The following ATAD3C variants were observed in gnomAD, a reference collection of about 807,000 sequenced individuals.
The protein encoded by ATAD3C is ATPase family AAA domain-containing protein 3C.
ATAD3C carries 38 observed loss-of-function variants against 46.3 expected under a neutral mutation model. The ratio of observed to expected loss-of-function variants is 0.82; its 90% CI spans 0.63 to 1.08. The LOEUF is 1.08. Among genes scored for constraint, ATAD3C ranks in the 50% least tolerant of loss-of-function variants. The probability of loss-of-function intolerance (pLI) is 0.00; values close to 1 mark genes in which losing one functional copy is unlikely to be tolerated. For synonymous variants in ATAD3C, 220 were observed against 236.4 expected, an observed-to-expected ratio of 0.93 and a Z score of 0.63; for missense variants, 563 against 572.7, an observed-to-expected ratio of 0.98 and a Z score of 0.17.
Position 1,462,660 on chromosome 1 carries a change from A to G in ATAD3C, c.1041A>G (p.Thr347=), listed in dbSNP as rs141015579. Residue 347 remains threonine, a synonymous_variant, in exon 11 of 12, where the codon ACA becomes ACG. Transcript: ENST00000378785. The surrounding 1 kb of genome is among the most constrained non-coding windows in gnomAD (Gnocchi z 4.5). ...AGTGCTTAGAGATCGCTCGGCTGAC[A>G]GAGGGCATGTCATGCCGGAAGATCG... The part of the protein sequence containing the change: ...GRKCLEIARL[T]EGMSCRKIAQ... 2.9e-4 allele frequency: 469 copies of G among 1,607,414 alleles called. 8 individuals are homozygous for G. In the East Asian group the frequency reaches 0.01, roughly 36 times the overall value.
chr1:1,451,451 A>G lies in ATAD3C; in HGVS notation c.76-595A>G, dbSNP rs113357404. Among the ~76,000 whole-genome samples the G allele has an allele frequency of 5.1e-3, 774 of 151,582 alleles. 13 individuals carry two copies. The highest frequency in any genetic ancestry group is 0.018 in the African/African-American group (740 of 41,330). ...AACCTCTGCCTCCTGGGTTCAAGCC[A>G]TTCTCCTGCCTCAGCCTCCCAAGTC... On this transcript the variant is annotated intron_variant, in intron 1 of 11. Transcript: ENST00000378785.
intron 8 of ATAD3C, among the ~76,000 whole-genome samples, chr1:1,457,621 A>AAC (rs1557778686): frequency 2.7e-5 from 4 of 150,690 alleles, no homozygotes; most frequent in African/African-American, 7.4e-5. Context: ...AAAACAAAAA[A>AAC]AACAGCATTT....
chr1:1,457,263 C>T, intron 8 of ATAD3C, 83 bp downstream of exon 8: 2 of 1,592,802 alleles, frequency 1.3e-6, no homozygotes, highest in Non-Finnish European at 1.7e-6. Flanking sequence ...CCGCAGCCCA[C>T]TGCTCAATTT....
At chr1:1,464,790 G>A (rs111938039) in intron 11 of ATAD3C, among the ~76,000 whole-genome samples, 6,685 of 151,888 alleles carry the variant, frequency 0.044, 252 homozygotes, top group East Asian at 0.15. Flanking sequence ...TTTTAGGAAT[G>A]GTTTTCCTAT....
chr1:1,464,394 C>T (rs1308808762), intron 11 of ATAD3C, among the ~76,000 whole-genome samples: 2 of 151,764 alleles, frequency 1.3e-5, no homozygotes, highest in Non-Finnish European at 2.9e-5. Flanking sequence ...TCTGGTGTCC[C>T]TTATAAGGAC....
chr1:1,452,490 C>G (rs557919320), intron 3 of ATAD3C, 56 bp downstream of exon 3: 1 of 1,610,700 alleles, frequency 6.2e-7, no homozygotes, highest in Non-Finnish European at 8.5e-7. Flanking sequence ...CATGTGGGGG[C>G]CTCCTGGAGC....
At chr1:1,452,813 AAAG>A (rs2100473113) in intron 3 of ATAD3C, among the ~76,000 whole-genome samples, 1 of 123,948 alleles carries the variant, frequency 8.1e-6, no homozygotes, top group African/African-American at 3.8e-5. Context: ...AAAAAAAAAG[AAAG>A]AAAGAAAGAA....
chr1:1,462,286 C>T lies in ATAD3C; in HGVS notation c.981-314C>T, dbSNP rs1007179098. ...TGACCTGGCTTCTGTGGCCTCCAGGCAGAAGCTTTTTTGCTAGAACTCAGG... is the reference window on the plus strand; with the variant it reads ...TGACCTGGCTTCTGTGGCCTCCAGGTAGAAGCTTTTTTGCTAGAACTCAGG... On this transcript the variant is annotated intron_variant, in intron 10 of 11. Transcript: ENST00000378785. The surrounding 1 kb of genome is among the most constrained non-coding windows in gnomAD (Gnocchi z 4.5). Among the ~76,000 whole-genome samples, 3 of 152,040 alleles carry T rather than the reference C, an allele frequency of 2.0e-5. No homozygotes were observed. Among genetic ancestry groups the T allele is most frequent in the Non-Finnish European group, 2.9e-5 (2 of 67,984 alleles).
rs1351002471 is a variant in ATAD3C at position 1,459,480 on chromosome 1, G to A, written c.812+249G>A. 6.6e-5 allele frequency among the ~76,000 whole-genome samples: 10 copies of A among 151,956 alleles called. 1 individual carries two copies. The East Asian group carries it at 7.7e-4, about 12-fold the overall frequency. On this transcript the variant is annotated intron_variant, in intron 9 of 11. Coordinates refer to ENST00000378785, the MANE Select transcript of ATAD3C (RefSeq NM_001039211.3). The surrounding 1 kb of genome is among the most constrained non-coding windows in gnomAD (Gnocchi z 4.9). The stretch of plus-strand genomic sequence containing the variant: ...TGTCCTCACGGCCCTGTGCACCGCC[G>A]CCCCAGCTTGCAGGTCCCTCTGCCC...
At chr1:1,463,632 G>A (rs1171242704) in intron 11 of ATAD3C, among the ~76,000 whole-genome samples, 1 of 152,002 alleles carries the variant, frequency 6.6e-6, no homozygotes, top group Non-Finnish European at 1.5e-5. Context: ...CAGAGGCCGG[G>A]CATGGTGGTG....
rs1442587228 is a variant in ATAD3C, at chr1:1,455,195, C to A, written c.379-265C>A. On this transcript the variant is annotated intron_variant, in intron 4 of 11. Coordinates refer to ENST00000378785, the MANE Select transcript of ATAD3C (RefSeq NM_001039211.3). ...TCACGCCACTGCACTCCAGCCTGGG[C>A]GACAGAGTGAGACTCCGTCTCAAAA... Among the ~76,000 whole-genome samples, 4 of 123,372 alleles carry A rather than the reference C, an allele frequency of 3.2e-5. No individual in the cohort carries two copies. In the Admixed American group the frequency reaches 4.3e-4, roughly 13 times the overall value. 80.9% of individuals were successfully genotyped at this position (123,372 alleles called of 152,430 possible).
chr1:1,459,325 A>G lies in ATAD3C; in HGVS notation c.812+94A>G. 6.3e-7 allele frequency: 1 copy of G among 1,582,566 alleles called. No homozygotes were observed. The highest frequency in any genetic ancestry group is 8.6e-7 in the Non-Finnish European group (1 of 1,167,152). ...AGGGACCTGAGGGGCCCTGGCTCAC[A>G]GTGCTGGGCAGCTGCCGTGGCCTCA... On this transcript the variant is annotated intron_variant, in intron 9 of 11. Coordinates refer to ENST00000378785, the MANE Select transcript of ATAD3C (RefSeq NM_001039211.3). This position sits in a 1 kb window ranked among gnomAD's most constrained non-coding sequence, Gnocchi z 4.9.
chr1:1,466,319 G>A (rs894777957), intron 11 of ATAD3C, among the ~76,000 whole-genome samples: 7 of 151,416 alleles, frequency 4.6e-5, no homozygotes, highest in Non-Finnish European at 8.8e-5. Flanking sequence ...AGGCTGAGGC[G>A]GGTGGGTCAT....
In ATAD3C at chr1:1,455,234, A is replaced by C. The variant is rs1472712628; in HGVS notation, c.379-226A>C. The stretch of plus-strand genomic sequence containing the variant: ...TCCGTCTCAAAAAAAAAAAAAAAAA[A>C]AAAAAAAAACCCAGAAAAAAGAGAA... On this transcript the variant is annotated intron_variant, in intron 4 of 11. Coordinates refer to ENST00000378785, the MANE Select transcript of ATAD3C (RefSeq NM_001039211.3). Among the ~76,000 whole-genome samples, 187 of 150,508 alleles carry C rather than the reference A, an allele frequency of 1.2e-3. 3 individuals are homozygous for C. The highest frequency in any genetic ancestry group is 3.4e-4 in the Non-Finnish European group (23 of 67,532).
In ATAD3C at chr1:1,457,076, T is replaced by C. The variant is rs1638974387; in HGVS notation, c.690-53T>C. 1.9e-6 allele frequency: 3 copies of C among 1,610,000 alleles called. No homozygotes were observed. The East Asian group carries it at 6.7e-5, about 36-fold the overall frequency. On this transcript the variant is annotated intron_variant, in intron 7 of 11. Coordinates refer to ENST00000378785, the MANE Select transcript of ATAD3C (RefSeq NM_001039211.3). ...CTCCTGCCATGGCCGGACGCCGCTG[T>C]GGGCTGCTCCTGGCATCACTCTCAC...
intron 8 of ATAD3C, among the ~76,000 whole-genome samples, 181 bp downstream of exon 8, chr1:1,457,361 G>A (rs1167059192): frequency 3.3e-5 from 5 of 151,746 alleles, no homozygotes; most frequent in Admixed American, 1.3e-4. Flanking sequence ...TTGGGAGGCC[G>A]AGGCAAGTGG....
intron 8 of ATAD3C, among the ~76,000 whole-genome samples, chr1:1,457,544 C>G (rs1392807853): frequency 7.5e-6 from 1 of 132,814 alleles, no homozygotes; most frequent in African/African-American, 3.0e-5. Flanking sequence ...TGCAGTGAGC[C>G]GAGATCGTGC....
chr1:1,457,003 C>T (rs1638972362), intron 7 of ATAD3C, 126 bp from the exon 8 acceptor site: 1 of 1,329,022 alleles, frequency 7.5e-7, no homozygotes, highest in Admixed American at 1.8e-5. Context: ...GGACTTAGGG[C>T]TCCGTGGGGC....
rs1393250697 is a variant in ATAD3C at position 1,468,278 on chromosome 1, A to G, written c.1090-106A>G. The G allele has an allele frequency of 8.2e-6, 12 of 1,465,806 alleles. No homozygotes were observed. In the East Asian group the frequency reaches 3.0e-4, roughly 37 times the overall value. 90.8% of individuals were successfully genotyped at this position (1,465,806 alleles called of 1,614,324 possible). The stretch of plus-strand genomic sequence containing the variant: ...GTAGCCTGTGTTTCACGCTCAGGCC[A>G]TCCTGGAGCCCCTGGTTTGGTCCCT... On this transcript the variant is annotated intron_variant, in intron 11 of 11. Coordinates refer to ENST00000378785, the MANE Select transcript of ATAD3C (RefSeq NM_001039211.3).
Sources: allele counts gnomAD v4.1 joint callset (sites outside exome capture counted in the v4.1 genomes callset), GRCh38; gene constraint gnomAD v4.1.1; non-coding constraint Gnocchi (gnomAD v3.1); transcripts MANE v1.5; gene names NCBI Gene and HGNC (gene_info 2026-07-23, HGNC 2026-07-21).